Variants in GRID2 observed in about 807,000 individuals in gnomAD.
GRID2 encodes the protein glutamate ionotropic receptor delta type subunit 2, also known as glutamate receptor ionotropic, delta-2.
In GRID2, 33 loss-of-function variants were observed where a neutral mutation model predicts 114.8. The ratio of observed to expected loss-of-function variants is 0.29; its 90% confidence interval spans 0.22 to 0.38. GRID2 has a LOEUF of 0.38. Ranked by LOEUF, GRID2 falls within the 10% of genes least tolerant of loss-of-function variation. The pLI is 1.00. For synonymous variants in GRID2, 505 were observed against 449.9 expected (o/e 1.12, Z -1.55); for missense variants, 1,184 against 1,257.7 (o/e 0.94, Z 0.89).
intron 1 of GRID2, among the ~76,000 whole-genome samples, chr4:92,488,120 C>T (rs550708880): frequency 6.6e-6 from 1 of 152,210 alleles, no homozygotes; most frequent in East Asian, 1.9e-4. Context: ...GTAGCTATTG[C>T]TTGAATGCTA....
At chr4:93,656,829 C>CAAAAGAAAAA (rs1723051273) in intron 14 of GRID2, among the ~76,000 whole-genome samples, 1 of 31,902 alleles carries the variant, frequency 3.1e-5, no homozygotes, top group African/African-American at 1.1e-4. Flanking sequence ...GACTCTGCCT[C>CAAAAGAAAAA]AAAAAAAAAA....
intron 14 of GRID2, among the ~76,000 whole-genome samples, chr4:93,714,783 A>G (rs1728769606): frequency 6.6e-6 from 1 of 151,818 alleles, no homozygotes; most frequent in East Asian, 1.9e-4. Context: ...AGTTGTTGGT[A>G]TTTCTCTTAT....
chr4:92,872,818 A>C (rs897192037), intron 2 of GRID2, among the ~76,000 whole-genome samples: 2 of 152,256 alleles, frequency 1.3e-5, no homozygotes, highest in Non-Finnish European at 2.9e-5. Flanking sequence ...ATTGCAGGGA[A>C]AGGCAAAGGT....
At chr4:93,763,731 A>T (rs1413565708) in intron 14 of GRID2, among the ~76,000 whole-genome samples, 1 of 152,182 alleles carries the variant, frequency 6.6e-6, no homozygotes, top group Non-Finnish European at 1.5e-5. Flanking sequence ...CTAGGGAATC[A>T]TTATGCCGGA....
intron 2 of GRID2, among the ~76,000 whole-genome samples, chr4:92,844,829 C>T (rs987119862): frequency 6.6e-6 from 1 of 151,932 alleles, no homozygotes; most frequent in African/African-American, 2.4e-5. Flanking sequence ...TGTCACATAG[C>T]GTAGTATTAA....
intron 3 of GRID2, among the ~76,000 whole-genome samples, chr4:93,097,062 A>AT (rs1156338827): frequency 4.6e-5 from 7 of 152,012 alleles, no homozygotes; most frequent in Non-Finnish European, 5.9e-5. Flanking sequence ...GATTCCATAT[A>AT]TTTTAAGTCC....
At chr4:92,713,255 GT>G (rs1302055409) in intron 2 of GRID2, among the ~76,000 whole-genome samples, 1 of 147,642 alleles carries the variant, frequency 6.8e-6, no homozygotes, top group Non-Finnish European at 1.5e-5. Flanking sequence ...TCTTTCTTTT[GT>G]GTACTTTTTA....
chr4:93,743,475 T>C (rs1405348921), intron 14 of GRID2, among the ~76,000 whole-genome samples: 1 of 152,206 alleles, frequency 6.6e-6, no homozygotes, highest in Non-Finnish European at 1.5e-5. Flanking sequence ...GACTGAGTAA[T>C]TTATAAAGAA....
chr4:92,315,900 G>C lies in GRID2; in HGVS notation c.88+11156G>C, dbSNP rs377310543. ...CAGGAGAATTGCTTGAACCCAGGAA[G>C]TGGAGGTTGCAGTGAGCTGAGATCG... On this transcript the variant is annotated intron_variant, in intron 1 of 15. Transcript: ENST00000282020. Among the ~76,000 whole-genome samples, 120 of 150,112 alleles carry C rather than the reference G, an allele frequency of 8.0e-4. 1 individual carries two copies. Among genetic ancestry groups the C allele is most frequent in the South Asian group, 4.8e-3 (23 of 4,752 alleles).
chr4:92,321,930 T>A (rs997564597), intron 1 of GRID2, among the ~76,000 whole-genome samples: 1 of 152,138 alleles, frequency 6.6e-6, no homozygotes, highest in Non-Finnish European at 1.5e-5. Context: ...ATTTACCTGC[T>A]CCACCTCATC....
chr4:93,018,432 G>C (rs1360863782), intron 2 of GRID2, among the ~76,000 whole-genome samples: 1 of 152,142 alleles, frequency 6.6e-6, no homozygotes, highest in East Asian at 1.9e-4. Flanking sequence ...CTTGGTGAGA[G>C]ATGTTGGCAT....
intron 2 of GRID2, among the ~76,000 whole-genome samples, chr4:92,740,088 G>T (rs987495381): frequency 6.6e-6 from 1 of 151,970 alleles, no homozygotes; most frequent in South Asian, 2.1e-4. Flanking sequence ...TTCCTAAAAG[G>T]CCTTTTCTTC....
chr4:93,125,614 T>C (rs932322697), intron 4 of GRID2, among the ~76,000 whole-genome samples: 11 of 152,160 alleles, frequency 7.2e-5, no homozygotes, highest in Admixed American at 1.3e-4. Context: ...TTAAAATTTA[T>C]TGTGTAGAAA....
At chr4:92,532,712 G>A (rs1171758646) in intron 1 of GRID2, among the ~76,000 whole-genome samples, 4 of 152,186 alleles carry the variant, frequency 2.6e-5, no homozygotes, top group Admixed American at 1.3e-4. Flanking sequence ...ATCAAGCTAA[G>A]TCATGTAAAT....
Position 92,812,819 on chromosome 4 carries a change from T to G in GRID2, c.244+222533T>G, listed in dbSNP as rs570983141. Among the ~76,000 whole-genome samples, 4 of 152,284 alleles carry G rather than the reference T, an allele frequency of 2.6e-5. No individual in the cohort carries two copies. In the South Asian group the frequency reaches 8.3e-4, roughly 32 times the overall value. The stretch of plus-strand genomic sequence containing the variant: ...ATAACTCGTTGACAGATACTTAATT[T>G]GCTACTTCTTGAAGGTGTTGCTTGA... On this transcript the variant is annotated intron_variant, in intron 2 of 15. Transcript: ENST00000282020.
rs115452140 is a variant in GRID2 at position 92,780,808 on chromosome 4, C to T, written c.244+190522C>T. 8.1e-3 allele frequency among the ~76,000 whole-genome samples: 1,226 copies of T among 152,214 alleles called. 15 individuals are homozygous for T. Among genetic ancestry groups the T allele is most frequent in the African/African-American group, 0.028 (1,166 of 41,546 alleles). ...TAATAAAAAGCTAAAGGGATTAAAA[C>T]TTGCTTATATGCCTTCTGATCTTAC... On this transcript the variant is annotated intron_variant, in intron 2 of 15. Transcript: ENST00000282020.
intron 14 of GRID2, among the ~76,000 whole-genome samples, chr4:93,644,550 C>T (rs1299880750): frequency 6.6e-6 from 1 of 152,016 alleles, no homozygotes; most frequent in Non-Finnish European, 1.5e-5. Context: ...GAACCAAGAT[C>T]CCTTTAGTAC....
chr4:93,409,280 C>G (rs918072172), intron 9 of GRID2, among the ~76,000 whole-genome samples: 4 of 151,946 alleles, frequency 2.6e-5, no homozygotes, highest in Admixed American at 1.3e-4. Context: ...ATTGGTATAG[C>G]AACTTAAAAA....
intron 2 of GRID2, among the ~76,000 whole-genome samples, chr4:92,808,300 G>C (rs921047504): frequency 6.6e-5 from 10 of 151,954 alleles, no homozygotes; most frequent in African/African-American, 2.4e-4. Flanking sequence ...TCGTGTTGAG[G>C]TAAGCCACTA....
Sources: allele counts gnomAD v4.1 joint callset (sites outside exome capture counted in the v4.1 genomes callset), GRCh38; gene constraint gnomAD v4.1.1; transcripts MANE v1.5; gene names NCBI Gene and HGNC (gene_info 2026-07-23, HGNC 2026-07-21).